BMP2K: variants seen among roughly 807,000 people sequenced by gnomAD.
BMP2K encodes the protein BMP-2-inducible protein kinase.
In BMP2K, 74 loss-of-function variants were observed where a neutral mutation model predicts 116.0. The observed-to-expected ratio is 0.64, with a 90% confidence interval of 0.53 to 0.77. BMP2K has a LOEUF of 0.77. Among genes scored for constraint, BMP2K ranks in the 30% least tolerant of loss-of-function variants. The pLI is 0.00. For synonymous variants in BMP2K, 486 were observed against 502.5 expected (o/e 0.97, Z 0.44); for missense variants, 1,365 against 1,403.6 (o/e 0.97, Z 0.44).
intron 4 of BMP2K, among the ~76,000 whole-genome samples, chr4:78,844,577 T>C (rs1316749359): frequency 6.6e-6 from 1 of 151,434 alleles, no homozygotes. Flanking sequence ...ATAAAAACAG[T>C]TTTAGATAGG....
chr4:78,873,572 A>G (rs1252808704), intron 13 of BMP2K, among the ~76,000 whole-genome samples: 1 of 152,190 alleles, frequency 6.6e-6, no homozygotes, highest in Non-Finnish European at 1.5e-5. Context: ...TGAGCAGGAG[A>G]AACAGCAGCA....
intron 13 of BMP2K, among the ~76,000 whole-genome samples, chr4:78,877,163 T>C: frequency 6.6e-6 from 1 of 152,158 alleles, no homozygotes; most frequent in East Asian, 1.9e-4. Flanking sequence ...AGGACATTAC[T>C]GTACACTATT....
chr4:78,877,256 C>A (rs1238963625), intron 13 of BMP2K, among the ~76,000 whole-genome samples: 1 of 151,944 alleles, frequency 6.6e-6, no homozygotes, highest in Non-Finnish European at 1.5e-5. Flanking sequence ...AATAAATTAA[C>A]CTTAGTTTAC....
chr4:78,848,534 T>G (rs1731111664), intron 6 of BMP2K, among the ~76,000 whole-genome samples: 2 of 151,546 alleles, frequency 1.3e-5, no homozygotes, highest in Admixed American at 6.6e-5. Flanking sequence ...CAATAGCAGA[T>G]AAACAATAGG....
intron 1 of BMP2K, among the ~76,000 whole-genome samples, chr4:78,810,848 A>G (rs1340764415): frequency 6.6e-6 from 1 of 152,174 alleles, no homozygotes; most frequent in Non-Finnish European, 1.5e-5. Context: ...GCTTTAGCTA[A>G]TTTCTAGGGT....
chr4:78,871,882 TCAA>T lies in BMP2K; in HGVS notation c.1549_1551del (p.Gln517del). The T allele has an allele frequency of 1.9e-6, 3 of 1,613,164 alleles. No homozygotes were observed. The highest frequency in any genetic ancestry group is 2.2e-5 in the South Asian group (2 of 90,950). On this transcript the variant is annotated inframe_deletion, in exon 12 of 16. Coordinates refer to ENST00000502613, the MANE Select transcript of BMP2K (RefSeq NM_198892.2). ...ATGCAACACAGCAGCAACAGATGCTTCAACAACAATTTTTAATGCATTCGGTAT... is the reference window on the plus strand; with the variant it reads ...ATGCAACACAGCAGCAACAGATGCTTCAACAATTTTTAATGCATTCGGTAT...
intron 1 of BMP2K, among the ~76,000 whole-genome samples, chr4:78,791,846 T>G (rs1728017598): frequency 6.6e-6 from 1 of 151,908 alleles, no homozygotes; most frequent in Admixed American, 6.6e-5. Flanking sequence ...TGTCTGTCTG[T>G]GGGCATTTGG....
chr4:78,786,955 C>T lies in BMP2K; in HGVS notation c.178+10234C>T, dbSNP rs139916547. On this transcript the variant is annotated intron_variant, in intron 1 of 15. Coordinates refer to ENST00000502613, the MANE Select transcript of BMP2K (RefSeq NM_198892.2). ...ATTTGGTAGAGATGGGATCTTGTTA[C>T]GTTATCCAGGCTGGTTTTGAACTCC... Among the ~76,000 whole-genome samples, 625 of 152,104 alleles carry T rather than the reference C, an allele frequency of 4.1e-3. 1 individual carries two copies. Among genetic ancestry groups the T allele is most frequent in the African/African-American group, 0.014 (589 of 41,482 alleles).
chr4:78,794,050 A>G (rs1487594107), intron 1 of BMP2K, among the ~76,000 whole-genome samples: 1 of 152,012 alleles, frequency 6.6e-6, no homozygotes, highest in African/African-American at 2.4e-5. Flanking sequence ...TTCTTGGGAG[A>G]GGGCTTATGG....
At chr4:78,838,005 A>T (rs1276907621) in intron 3 of BMP2K, among the ~76,000 whole-genome samples, 6 of 152,144 alleles carry the variant, frequency 3.9e-5, no homozygotes, top group African/African-American at 1.4e-4. Flanking sequence ...CTGCTGATAA[A>T]GACGTACTCG....
chr4:78,897,084 TTA>T (rs35092801), intron 15 of BMP2K, among the ~76,000 whole-genome samples: 2 of 151,630 alleles, frequency 1.3e-5, no homozygotes, highest in Admixed American at 6.6e-5. Context: ...TAGTATGATT[TTA>T]TATATATATA....
rs774419973 is a variant in BMP2K at position 78,871,019 on chromosome 4, C to T, written c.1468C>T (p.His490Tyr). 9 of 1,607,490 alleles carry T rather than the reference C, an allele frequency of 5.6e-6. No homozygotes were observed. The African/African-American group carries it at 1.1e-4, about 19-fold the overall frequency. ...QQQQQQQHHH[H>Y]HHHHLLQDAY... is the part of the protein sequence containing the mutation. ...GCAGCAGCAGCAGCAGCACCACCAC[C>T]ACCACCACCACCACCTACTTCAAGA... is the stretch of plus-strand genomic sequence containing the variant. The change falls in exon 11 of 16, where the codon CAC (histidine) becomes TAC (tyrosine). Residue 490 changes from histidine (H) to tyrosine (Y), a missense_variant. This residue lies in a region of BMP2K where 762 missense variants were observed against 756.7 expected (regional missense o/e 1.01). Coordinates refer to ENST00000502613, the MANE Select transcript of BMP2K (RefSeq NM_198892.2).
intron 1 of BMP2K, among the ~76,000 whole-genome samples, chr4:78,783,301 A>G (rs778694979): frequency 2.0e-5 from 3 of 152,182 alleles, no homozygotes; most frequent in East Asian, 1.9e-4. Context: ...ACTATATACA[A>G]TATTAACAAA....
chr4:78,892,368 G>A (rs566519599), intron 15 of BMP2K, among the ~76,000 whole-genome samples: 162 of 152,206 alleles, frequency 1.1e-3, no homozygotes, highest in African/African-American at 3.4e-3. Context: ...TTTTATTGAC[G>A]TGAAGTTTTT....
chr4:78,863,418 T>G (rs1001176486), intron 9 of BMP2K, among the ~76,000 whole-genome samples: 1 of 152,106 alleles, frequency 6.6e-6, no homozygotes, highest in Admixed American at 6.6e-5. Context: ...ATTCTTTGCC[T>G]TCTTAAAAGG....
chr4:78,830,734 C>T (rs1730169554), intron 2 of BMP2K, among the ~76,000 whole-genome samples: 1 of 152,234 alleles, frequency 6.6e-6, no homozygotes, highest in African/African-American at 2.4e-5. Flanking sequence ...CCTCTGCTAG[C>T]TTCAAACTAT....
At chr4:78,781,184 G>A (rs1334260881) in intron 1 of BMP2K, among the ~76,000 whole-genome samples, 1 of 152,190 alleles carries the variant, frequency 6.6e-6, no homozygotes, top group Non-Finnish European at 1.5e-5. Flanking sequence ...AAATGCAACA[G>A]GAAGCTATTG....
chr4:78,851,858 C>G (rs571076022), intron 7 of BMP2K, among the ~76,000 whole-genome samples: 3 of 152,048 alleles, frequency 2.0e-5, no homozygotes, highest in East Asian at 1.9e-4. Context: ...ATCCCAGGAA[C>G]TATTATTAAA....
At chr4:78,869,172 C>A (rs1732210439) in intron 10 of BMP2K, among the ~76,000 whole-genome samples, 1 of 152,210 alleles carries the variant, frequency 6.6e-6, no homozygotes, top group African/African-American at 2.4e-5. Context: ...GGTTCCCAAA[C>A]CTCAGTTCTT....
Sources: gnomAD v4.1 joint callset for allele counts (sites outside exome capture counted in the v4.1 genomes callset) on GRCh38, gnomAD v4.1.1 for gene constraint, gnomAD v4.1.1 regional missense constraint, MANE v1.5 for transcripts, NCBI Gene and HGNC (gene_info 2026-07-23, HGNC 2026-07-21) for gene names.